Variants in SLC25A21 observed in about 807,000 individuals in gnomAD.
SLC25A21 encodes solute carrier family 25 member 21.
Under a neutral mutation model 43.8 loss-of-function variants are expected in SLC25A21, and 47 were observed. The observed-to-expected ratio is 1.07, with a 90% CI of 0.85 to 1.37. The LOEUF is 1.37. Ranked by LOEUF, SLC25A21 falls within the 40% of genes most tolerant of loss-of-function variation. The pLI, the probability that SLC25A21 is intolerant of heterozygous loss-of-function variation, is 0.00. For missense variants in SLC25A21, 352 were observed against 350.2 expected (o/e 1.00, Z -0.04); for synonymous variants, 131 against 121.3 (o/e 1.08, Z -0.52).
At chr14:37,012,640 C>A (rs998853798) in intron 1 of SLC25A21, among the ~76,000 whole-genome samples, 7 of 152,154 alleles carry the variant, frequency 4.6e-5, no homozygotes, top group African/African-American at 1.7e-4. Flanking sequence ...ATGATTCCAT[C>A]ATTTAATATA....
At chr14:36,928,442 T>G (rs1352411477) in intron 1 of SLC25A21, among the ~76,000 whole-genome samples, 1 of 152,198 alleles carries the variant, frequency 6.6e-6, no homozygotes, top group East Asian at 1.9e-4. Flanking sequence ...GTGATTTTTT[T>G]TTTGTTTTGT....
At chr14:36,829,850 T>C (rs1361572857) in intron 2 of SLC25A21, among the ~76,000 whole-genome samples, 1 of 152,204 alleles carries the variant, frequency 6.6e-6, no homozygotes, top group Non-Finnish European at 1.5e-5. Context: ...GTGCAAATAG[T>C]ACACCTTCAT....
chr14:36,870,124 A>T (rs1380461238), intron 2 of SLC25A21, among the ~76,000 whole-genome samples: 1 of 152,180 alleles, frequency 6.6e-6, no homozygotes, highest in Non-Finnish European at 1.5e-5. Flanking sequence ...AATGCAAACA[A>T]TTGATTATGG....
intron 1 of SLC25A21, among the ~76,000 whole-genome samples, chr14:36,876,939 AC>A (rs1890551360): frequency 1.4e-5 from 1 of 72,080 alleles, no homozygotes; most frequent in East Asian, 2.9e-4. Flanking sequence ...ATAGATAGAT[AC>A]ACACACACAC....
At chr14:37,136,878 T>C (rs939517732) in intron 1 of SLC25A21, among the ~76,000 whole-genome samples, 1 of 152,032 alleles carries the variant, frequency 6.6e-6, no homozygotes, top group African/African-American at 2.4e-5. Flanking sequence ...AGTAAAAAGA[T>C]GAGTGATTGT....
intron 3 of SLC25A21, among the ~76,000 whole-genome samples, chr14:36,765,422 T>C (rs1382091978): frequency 1.3e-5 from 2 of 152,110 alleles, no homozygotes; most frequent in Non-Finnish European, 2.9e-5. Context: ...CAAAATAACA[T>C]GGTTGTTTTA....
chr14:37,162,176 A>G (rs1963955732), intron 1 of SLC25A21, among the ~76,000 whole-genome samples: 1 of 152,096 alleles, frequency 6.6e-6, no homozygotes, highest in African/African-American at 2.4e-5. Context: ...TGCCGACGAA[A>G]GAAGAAATTT....
rs1961246819 is a variant in SLC25A21, at chr14:37,032,786, C to G, written c.70+139495G>C. Among the ~76,000 whole-genome samples the G allele has an allele frequency of 3.3e-5, 5 of 151,252 alleles. No individual in the cohort carries two copies. In the South Asian group the frequency reaches 1.0e-3, roughly 32 times the overall value. On this transcript the variant is annotated intron_variant, in intron 1 of 9. Coordinates refer to ENST00000331299, the MANE Select transcript of SLC25A21 (RefSeq NM_030631.4). ...ACTGGCAATGGATATGTGGAGTTTA[C>G]TATACTATTCAGGAAAATTTAGCAT...
At chr14:37,087,589 T>C (rs2138846345) in intron 1 of SLC25A21, among the ~76,000 whole-genome samples, 1 of 152,332 alleles carries the variant, frequency 6.6e-6, no homozygotes, top group East Asian at 1.9e-4. Context: ...TTTTCCTTCT[T>C]CATTTATTCT....
At chr14:37,001,974 T>C (rs1960499225) in intron 1 of SLC25A21, among the ~76,000 whole-genome samples, 1 of 152,174 alleles carries the variant, frequency 6.6e-6, no homozygotes, top group African/African-American at 2.4e-5. Flanking sequence ...GGAAAGAAAA[T>C]GTGGCATGAA....
intron 1 of SLC25A21, among the ~76,000 whole-genome samples, chr14:37,163,451 C>A (rs1206586850): frequency 6.6e-6 from 1 of 151,880 alleles, no homozygotes; most frequent in East Asian, 1.9e-4. Context: ...TGTGTATAAA[C>A]CATGATAACA....
intron 1 of SLC25A21, among the ~76,000 whole-genome samples, chr14:36,904,616 A>T (rs1891484958): frequency 1.3e-5 from 2 of 152,380 alleles, no homozygotes; most frequent in Admixed American, 6.5e-5. Flanking sequence ...TCACAGTTCC[A>T]CATGGCTGGG....
chr14:36,702,833 C>T (rs1883340968), intron 7 of SLC25A21, among the ~76,000 whole-genome samples: 1 of 152,134 alleles, frequency 6.6e-6, no homozygotes, highest in African/African-American at 2.4e-5. Context: ...TCATTTCCAT[C>T]CACTTGGGGA....
chr14:36,969,024 T>A (rs1419549041), intron 1 of SLC25A21, among the ~76,000 whole-genome samples: 3 of 152,216 alleles, frequency 2.0e-5, no homozygotes, highest in African/African-American at 7.2e-5. Flanking sequence ...AATTTTTTAA[T>A]TATGAAGTTG....
chr14:36,808,031 G>A (rs189080800), intron 3 of SLC25A21, among the ~76,000 whole-genome samples: 6 of 152,334 alleles, frequency 3.9e-5, no homozygotes, highest in African/African-American at 7.2e-5. Context: ...ACCTGGGGCA[G>A]CATCAGTGGT....
At chr14:36,888,534 T>C (rs1470384151) in intron 1 of SLC25A21, among the ~76,000 whole-genome samples, 1 of 151,814 alleles carries the variant, frequency 6.6e-6, no homozygotes, top group African/African-American at 2.4e-5. Flanking sequence ...TATATATTCA[T>C]ATATATGTTA....
chr14:36,806,459 T>C (rs1015260053), intron 3 of SLC25A21, among the ~76,000 whole-genome samples: 4 of 152,180 alleles, frequency 2.6e-5, no homozygotes, highest in Non-Finnish European at 4.4e-5. Context: ...ATACATTGCA[T>C]GTATTGAAGT....
intron 6 of SLC25A21, among the ~76,000 whole-genome samples, chr14:36,724,945 C>G (rs1328687966): frequency 6.6e-6 from 1 of 151,950 alleles, no homozygotes. Flanking sequence ...GAAGTTTTGC[C>G]AGCAGCTGGG....
intron 1 of SLC25A21, among the ~76,000 whole-genome samples, chr14:37,030,665 T>G (rs1031530249): frequency 1.3e-5 from 2 of 152,156 alleles, no homozygotes; most frequent in Non-Finnish European, 2.9e-5. Context: ...AGTGATTAAT[T>G]TTTTGGTGTA....
Sources: allele counts gnomAD v4.1 joint callset (sites outside exome capture counted in the v4.1 genomes callset), GRCh38; gene constraint gnomAD v4.1.1; transcripts MANE v1.5; gene names NCBI Gene and HGNC (gene_info 2026-07-23, HGNC 2026-07-21).